The following SIRPB1 variants were observed in gnomAD, a reference collection of about 807,000 sequenced individuals.
SIRPB1 encodes signal regulatory protein beta 1.
In SIRPB1, 28 loss-of-function variants were observed where a neutral mutation model predicts 34.1. The ratio of observed to expected loss-of-function variants is 0.82; its 90% CI spans 0.61 to 1.12. SIRPB1 has a LOEUF of 1.12. Among genes scored for constraint, SIRPB1 ranks in the 50% most tolerant of loss-of-function variants. The pLI, the probability that SIRPB1 is intolerant of heterozygous loss-of-function variation, is 0.00. For synonymous variants in SIRPB1, 211 were observed against 203.8 expected (o/e 1.04, Z -0.30); for missense variants, 499 against 507.0 (o/e 0.98, Z 0.15).
intron 3 of SIRPB1, 33 bp from the exon 4 acceptor site, chr20:1,571,170 G>C (rs751195322): frequency 1.3e-6 from 2 of 1,587,780 alleles, no homozygotes; most frequent in Admixed American, 1.7e-5. Context: ...CTCTGATCTT[G>C]TGGCACAGAC....
chr20:1,569,474 G>A (rs1429589622), intron 4 of SIRPB1, among the ~76,000 whole-genome samples: 2 of 152,212 alleles, frequency 1.3e-5, no homozygotes, highest in Non-Finnish European at 2.9e-5. Context: ...AGGTGCATGC[G>A]TGAGCAAGTT....
Position 1,565,949 on chromosome 20 carries a change from T to G in SIRPB1, c.*2+204A>C, listed in dbSNP as rs374752158. 3.9e-5 allele frequency among the ~76,000 whole-genome samples: 6 copies of G among 152,166 alleles called. No individual in the cohort carries two copies. The East Asian group carries it at 7.8e-4, about 20-fold the overall frequency. ...AAGCATCCCACCTCCTGTAATACCC[T>G]TGACCATCCCAACTCCTGCACACTC... On this transcript the variant is annotated intron_variant, in intron 5 of 5. Coordinates refer to ENST00000381605, the MANE Select transcript of SIRPB1 (RefSeq NM_006065.5).
chr20:1,578,366 A>G lies in SIRPB1; in HGVS notation c.405T>C (p.Ser135=), dbSNP rs2091348403. The G allele has an allele frequency of 1.1e-5, 18 of 1,587,290 alleles. 1 individual carries two copies. The highest frequency in any genetic ancestry group is 4.0e-5 in the African/African-American group (3 of 74,100). The change falls in exon 2 of 6, where the codon TCT becomes TCC. Residue 135 remains serine (S), a synonymous_variant. Coordinates refer to ENST00000381605, the MANE Select transcript of SIRPB1 (RefSeq NM_006065.5). ...KGSPDDVEFK[S]GAGTELSVRA... ...GCACAGACAGCTCAGTGCCTGCTCCAGACTTAAACTCCACGTCGTCAGGGC... is the reference window on the plus strand; with the variant it reads ...GCACAGACAGCTCAGTGCCTGCTCCGGACTTAAACTCCACGTCGTCAGGGC...
At chr20:1,618,932 T>G (rs998726913) in intron 1 of SIRPB1, among the ~76,000 whole-genome samples, 4 of 152,214 alleles carry the variant, frequency 2.6e-5, no homozygotes, top group African/African-American at 9.6e-5. Context: ...CCCCAGCACC[T>G]CTGAACGTTA....
At chr20:1,569,450 CAA>C (rs1403258398) in intron 4 of SIRPB1, among the ~76,000 whole-genome samples, 1 of 152,242 alleles carries the variant, frequency 6.6e-6, no homozygotes, top group Non-Finnish European at 1.5e-5. Flanking sequence ...CATGATCCCT[CAA>C]TGTGCAACTG....
chr20:1,588,661 C>A, intron 1 of SIRPB1: 1 of 580,716 alleles, frequency 1.7e-6, no homozygotes, highest in South Asian at 3.6e-5. Context: ...CTGCTCTGTT[C>A]AAACGTCTGT....
rs767566223 is a variant in SIRPB1 at position 1,564,132 on chromosome 20, A to T, written c.*1368T>A. The T allele has an allele frequency of 6.6e-6, 1 of 152,198 alleles. No homozygotes were observed. Among genetic ancestry groups the T allele is most frequent in the Non-Finnish European group, 1.5e-5 (1 of 68,038 alleles). The allele number at this position is 152,198 out of a possible 1,614,324, so 9.4% of individuals were successfully genotyped here. A position where few individuals can be genotyped will look rare whatever the true frequency, so the allele number is the denominator to read the frequency against. On this transcript the variant is annotated 3_prime_UTR_variant, in exon 6 of 6. Transcript: ENST00000381605. The stretch of plus-strand genomic sequence containing the variant: ...CTCTACATTTGTAACTGAGAGTGTG[A>T]GAGTTTCTAATATTTTGACAAAAAA...
chr20:1,571,360 C>G (rs2091233976), intron 3 of SIRPB1, among the ~76,000 whole-genome samples: 1 of 152,194 alleles, frequency 6.6e-6, no homozygotes, highest in Non-Finnish European at 1.5e-5. Context: ...TGCTGCTAGG[C>G]TAAGGATGAG....
rs765907722 is a variant in SIRPB1 at position 1,571,821 on chromosome 20, G to T, written c.650C>A (p.Thr217Asn). ...SIHSTARVVL[T>N]RGDVHSQVIC... ...GACTTGAGAGTGAACGTCCCCACGGGTCAGCACCACCCTGGCTGTGCTGTG... is the reference window on the plus strand; with the variant it reads ...GACTTGAGAGTGAACGTCCCCACGGTTCAGCACCACCCTGGCTGTGCTGTG... Residue 217 changes from threonine (T) to asparagine (N), a missense_variant, in exon 3 of 6, where the codon ACC becomes AAC. Transcript: ENST00000381605. The T allele has an allele frequency of 5.0e-6, 8 of 1,614,246 alleles. No homozygotes were observed. The South Asian group carries it at 5.5e-5, about 11-fold the overall frequency.
rs1368332523 is a variant in SIRPB1 at position 1,581,735 on chromosome 20, T to C, written c.77-3041A>G. Among the ~76,000 whole-genome samples the C allele has an allele frequency of 4.2e-5, 2 of 47,488 alleles. 1 individual carries two copies. Among genetic ancestry groups the C allele is most frequent in the African/African-American group, 2.9e-4 (2 of 6,982 alleles). 31.2% of individuals were successfully genotyped at this position (47,488 alleles called of 152,430 possible). A position where few individuals can be genotyped will look rare whatever the true frequency, so the allele number is the denominator to read the frequency against. ...GATCATTCTAAACTCAGGTGGAAAG[T>C]TCCTAGGGAATGCCTTTGACTCATG... On this transcript the variant is annotated intron_variant, in intron 1 of 5. Transcript: ENST00000381605.
At chr20:1,614,080 T>C (rs1037499217) in intron 1 of SIRPB1, among the ~76,000 whole-genome samples, 2 of 152,196 alleles carry the variant, frequency 1.3e-5, no homozygotes, top group Non-Finnish European at 2.9e-5. Flanking sequence ...GGCCAGAAGA[T>C]AGAGGGATGG....
In SIRPB1 at chr20:1,599,021, C is replaced by T. The variant is rs1398158843; in HGVS notation, c.77-20327G>A. Reference sequence around the variant, plus strand: ...CCCCCACTTACCCCACCTGAGGCTACCTGGGACCATCAATGCTCCAAAGCT... The same window carrying T: ...CCCCCACTTACCCCACCTGAGGCTATCTGGGACCATCAATGCTCCAAAGCT... On this transcript the variant is annotated intron_variant, in intron 1 of 5. Coordinates refer to ENST00000381605, the MANE Select transcript of SIRPB1 (RefSeq NM_006065.5). The T allele has an allele frequency of 1.6e-4, 39 of 240,032 alleles. 16 individuals are homozygous for T. The highest frequency in any genetic ancestry group is 2.6e-4 in the Non-Finnish European group (36 of 138,250). The allele number at this position is 240,032 out of a possible 1,614,324, so 14.9% of individuals were successfully genotyped here. A position where few individuals can be genotyped will look rare whatever the true frequency, so the allele number is the denominator to read the frequency against.
In SIRPB1 at chr20:1,563,896, A is replaced by T. The variant is rs898332286; in HGVS notation, c.*1604T>A. 1.3e-5 allele frequency: 2 copies of T among 152,372 alleles called. No homozygotes were observed. The highest frequency in any genetic ancestry group is 2.9e-5 in the Non-Finnish European group (2 of 68,030). The allele number at this position is 152,372 out of a possible 1,614,324, so 9.4% of individuals were successfully genotyped here. On this transcript the variant is annotated 3_prime_UTR_variant, in exon 6 of 6. Transcript: ENST00000381605. Reference sequence around the variant, plus strand: ...CCTCCTACCAGGCCCATCCCACAACACATGCAGATTACAATTTAAGATGAG... The same window carrying T: ...CCTCCTACCAGGCCCATCCCACAACTCATGCAGATTACAATTTAAGATGAG...
intron 2 of SIRPB1, chr20:1,578,107 G>T: frequency 1.8e-6 from 1 of 554,136 alleles, no homozygotes; most frequent in Non-Finnish European, 3.2e-6. Context: ...CTGTAGAGCC[G>T]CAGACTGGGG....
At chr20:1,572,165 T>C in intron 2 of SIRPB1, 128 bp from the exon 3 acceptor site, 1 of 1,437,452 alleles carries the variant, frequency 7.0e-7, no homozygotes, top group African/African-American at 1.4e-5. Context: ...GTGAAGGCAG[T>C]GTCCTTATTC....
intron 1 of SIRPB1, among the ~76,000 whole-genome samples, chr20:1,616,852 T>C (rs956078115): frequency 6.6e-6 from 1 of 152,116 alleles, no homozygotes; most frequent in African/African-American, 2.4e-5. Context: ...AACTCAATAT[T>C]AAGAAAACAA....
At position 1,611,339 on chromosome 20, in the gene SIRPB1, A is replaced by G. The variant is rs45479907; in HGVS notation, c.76+8530T>C. 919 of 831,796 alleles carry G rather than the reference A, an allele frequency of 1.1e-3. 390 individuals carry two copies. The African/African-American group carries it at 0.044, about 40-fold the overall frequency. 51.5% of individuals were successfully genotyped at this position (831,796 alleles called of 1,614,324 possible). A position where few individuals can be genotyped will look rare whatever the true frequency, so the allele number is the denominator to read the frequency against. Reference sequence around the variant, plus strand: ...TTGTCACACACTAGGGGATGAAGGAAGCCCACGCTGTACTCACCACGCACA... The same window carrying G: ...TTGTCACACACTAGGGGATGAAGGAGGCCCACGCTGTACTCACCACGCACA... On this transcript the variant is annotated intron_variant, in intron 1 of 5. Coordinates refer to ENST00000381605, the MANE Select transcript of SIRPB1 (RefSeq NM_006065.5).
In SIRPB1 at chr20:1,561,416, C is replaced by A. The variant is rs1280582025; in HGVS notation, c.*4084G>T. On this transcript the variant is annotated 3_prime_UTR_variant, in exon 6 of 6. Transcript: ENST00000381605. ...ATCAAAGTTCATAGTTTATTTAGAT[C>A]TTTTCTTTTTACCTAATGTCGTTTT... 6.6e-6 allele frequency among the ~76,000 whole-genome samples: 1 copy of A among 152,030 alleles called. No homozygotes were observed. The highest frequency in any genetic ancestry group is 2.4e-5 in the African/African-American group (1 of 41,430).
chr20:1,576,383 G>A (rs1221965327), intron 2 of SIRPB1, among the ~76,000 whole-genome samples: 1 of 148,010 alleles, frequency 6.8e-6, no homozygotes, highest in Non-Finnish European at 1.5e-5. Context: ...AAAGCTGTTA[G>A]TAAAGCTATG....
Sources: gnomAD v4.1 joint callset for allele counts (sites outside exome capture counted in the v4.1 genomes callset) on GRCh38, gnomAD v4.1.1 for gene constraint, MANE v1.5 for transcripts, NCBI Gene and HGNC (gene_info 2026-07-23, HGNC 2026-07-21) for gene names.